The following TRAPPC12 variants were observed in gnomAD, a reference collection of about 807,000 sequenced individuals.
TRAPPC12 encodes trafficking protein particle complex subunit 12.
In TRAPPC12, 61 loss-of-function variants were observed where a neutral mutation model predicts 69.2. The observed-to-expected ratio is 0.88, with a 90% CI of 0.72 to 1.09. TRAPPC12 has a LOEUF of 1.09. Ranked by LOEUF, TRAPPC12 falls within the 50% of genes least tolerant of loss-of-function variation. The pLI, the probability that TRAPPC12 is intolerant of heterozygous loss-of-function variation, is 0.00. For synonymous variants in TRAPPC12, 469 were observed against 438.9 expected, an observed-to-expected ratio of 1.07 and a Z score of -0.86; for missense variants, 1,101 against 1,016.4, an observed-to-expected ratio of 1.08 and a Z score of -1.13.
intron 9 of TRAPPC12, among the ~76,000 whole-genome samples, chr2:3,474,865 A>T (rs1221027761): frequency 6.6e-6 from 1 of 151,786 alleles, no homozygotes; most frequent in South Asian, 2.1e-4. Context: ...ATTATTATGA[A>T]TCTGCCTTAG....
At chr2:3,438,493 TC>T (rs1311080042) in intron 5 of TRAPPC12, among the ~76,000 whole-genome samples, 1 of 76,490 alleles carries the variant, frequency 1.3e-5, no homozygotes, top group African/African-American at 5.3e-5. Context: ...CCTGGATTAA[TC>T]CCCCGCCACC....
chr2:3,384,133 T>C (rs914638400), intron 1 of TRAPPC12, among the ~76,000 whole-genome samples: 1 of 152,040 alleles, frequency 6.6e-6, no homozygotes, highest in Admixed American at 6.6e-5. Flanking sequence ...TGACCTCAGG[T>C]GATCCACCCT....
intron 3 of TRAPPC12, among the ~76,000 whole-genome samples, chr2:3,416,224 G>A (rs891819324): frequency 3.3e-5 from 5 of 152,256 alleles, no homozygotes; most frequent in South Asian, 2.1e-4. Flanking sequence ...GGGTGCTTCT[G>A]TTAATATCAG....
intron 2 of TRAPPC12, among the ~76,000 whole-genome samples, chr2:3,399,009 G>A (rs929038799): frequency 1.3e-5 from 2 of 152,166 alleles, no homozygotes; most frequent in African/African-American, 4.8e-5. Context: ...AGGAGATGCA[G>A]TACAAGCGTC....
Position 3,402,413 on chromosome 2 carries a change from A to AC in TRAPPC12, c.1164+524dup, listed in dbSNP as rs532885584. Reference sequence around the variant, plus strand: ...AAGACCAGCCTGGCCAACATGGTGAACCCCATCTCTACTAAAAATACAAAA... The same window carrying AC: ...AAGACCAGCCTGGCCAACATGGTGAACCCCCATCTCTACTAAAAATACAAAA... On this transcript the variant is annotated intron_variant, in intron 3 of 11. Transcript: ENST00000324266. Among the ~76,000 whole-genome samples, 45 of 152,254 alleles carry AC rather than the reference A, an allele frequency of 3.0e-4. No homozygotes were observed. In the East Asian group the frequency reaches 7.9e-3, roughly 27 times the overall value.
intron 5 of TRAPPC12, among the ~76,000 whole-genome samples, chr2:3,427,079 G>A (rs1247573734): frequency 6.6e-6 from 1 of 152,218 alleles, no homozygotes; most frequent in East Asian, 1.9e-4. Flanking sequence ...GTTAATTGGG[G>A]AAGTTTGAGG....
chr2:3,418,435 C>T (rs1347172017), intron 3 of TRAPPC12, among the ~76,000 whole-genome samples: 2 of 152,224 alleles, frequency 1.3e-5, no homozygotes, highest in Non-Finnish European at 2.9e-5. Flanking sequence ...AGCCCACAGT[C>T]CTCCTTGAAG....
chr2:3,406,455 A>G (rs138556298), intron 3 of TRAPPC12, among the ~76,000 whole-genome samples: 26 of 152,346 alleles, frequency 1.7e-4, no homozygotes, highest in Admixed American at 6.5e-4. Context: ...CCAAGTTTAA[A>G]TGTGAGTCAA....
At chr2:3,400,890 C>A (rs537633072) in intron 2 of TRAPPC12, among the ~76,000 whole-genome samples, 1 of 152,358 alleles carries the variant, frequency 6.6e-6, no homozygotes, top group East Asian at 1.9e-4. Flanking sequence ...CTGCTCAGGG[C>A]AGGTCATTGG....
chr2:3,381,986 G>T (rs1387822032), intron 1 of TRAPPC12, among the ~76,000 whole-genome samples: 2 of 152,140 alleles, frequency 1.3e-5, no homozygotes, highest in African/African-American at 4.8e-5. Flanking sequence ...GTGCAAAATT[G>T]TATTTGTGAG....
chr2:3,460,574 T>TGTG, intron 8 of TRAPPC12: 1 of 468,876 alleles, frequency 2.1e-6, no homozygotes, highest in Non-Finnish European at 3.7e-6. Context: ...ATTATTGAAA[T>TGTG]GTGGGTCTAA....
intron 3 of TRAPPC12, among the ~76,000 whole-genome samples, chr2:3,407,971 G>A (rs139672398): frequency 3.2e-4 from 48 of 152,164 alleles, no homozygotes; most frequent in Non-Finnish European, 5.9e-4. Flanking sequence ...AGTAGCCACA[G>A]TCACATCCCA....
At chr2:3,430,707 A>C (rs1663380916) in intron 5 of TRAPPC12, among the ~76,000 whole-genome samples, 1 of 152,278 alleles carries the variant, frequency 6.6e-6, no homozygotes, top group South Asian at 2.1e-4. Context: ...GACATGTTTT[A>C]GGAGTATCTT....
chr2:3,478,222 G>A (rs1666383493), intron 10 of TRAPPC12: 2 of 160,776 alleles, frequency 1.2e-5, no homozygotes, highest in Non-Finnish European at 2.7e-5. Flanking sequence ...CGTTCGTGAG[G>A]AGGAAACACG....
At chr2:3,429,153 G>A (rs1340013160) in intron 5 of TRAPPC12, among the ~76,000 whole-genome samples, 1 of 152,186 alleles carries the variant, frequency 6.6e-6, no homozygotes, top group Non-Finnish European at 1.5e-5. Flanking sequence ...ACTGGCTGGG[G>A]GTTGTGAGCA....
intron 3 of TRAPPC12, among the ~76,000 whole-genome samples, chr2:3,406,224 C>T (rs577210225): frequency 7.9e-5 from 12 of 152,298 alleles, no homozygotes; most frequent in African/African-American, 2.4e-4. Context: ...CTCATTAACT[C>T]GGAGTAAGCG....
At chr2:3,383,830 T>G (rs1479218833) in intron 1 of TRAPPC12, among the ~76,000 whole-genome samples, 1 of 150,656 alleles carries the variant, frequency 6.6e-6, no homozygotes, top group Non-Finnish European at 1.5e-5. Context: ...CGTCTCTTCC[T>G]TTGATGTGTG....
chr2:3,396,553 C>G (rs1661147280), intron 2 of TRAPPC12, among the ~76,000 whole-genome samples: 1 of 151,994 alleles, frequency 6.6e-6, no homozygotes, highest in Non-Finnish European at 1.5e-5. Context: ...TTTTTTCTCT[C>G]TCCTACTTCT....
At chr2:3,424,818 T>C (rs1287006930) in intron 5 of TRAPPC12, among the ~76,000 whole-genome samples, 155 bp downstream of exon 5, 1 of 152,246 alleles carries the variant, frequency 6.6e-6, no homozygotes, top group Non-Finnish European at 1.5e-5. Context: ...TACAGAATGC[T>C]CCCACTCCGA....
Sources: allele counts gnomAD v4.1 joint callset (sites outside exome capture counted in the v4.1 genomes callset), GRCh38; gene constraint gnomAD v4.1.1; transcripts MANE v1.5; gene names NCBI Gene and HGNC (gene_info 2026-07-23, HGNC 2026-07-21).